CFAP65: variants seen among roughly 807,000 people sequenced by gnomAD.
CFAP65 encodes cilia- and flagella-associated protein 65.
A neutral mutation model predicts 208.0 loss-of-function variants in CFAP65; 155 were observed. The observed-to-expected ratio is 0.75, with a 90% CI of 0.65 to 0.85. The LOEUF is 0.85. CFAP65 is among the 40% of genes least tolerant of loss of function. The probability of loss-of-function intolerance (pLI) is 0.00; values close to 1 mark genes in which losing one functional copy is unlikely to be tolerated. For missense variants in CFAP65, 2,294 were observed against 2,451.3 expected (o/e 0.94, Z 1.36); for synonymous variants, 970 against 986.3 (o/e 0.98, Z 0.31).
chr2:219,017,319 A>G (rs936008845), intron 21 of CFAP65, among the ~76,000 whole-genome samples: 2 of 152,210 alleles, frequency 1.3e-5, no homozygotes, highest in Non-Finnish European at 2.9e-5. Flanking sequence ...CGCGAAGGGG[A>G]GAAGGCGTGG....
rs374766845 is a variant in CFAP65 at position 219,003,221 on chromosome 2, C to G, written c.5607G>C (p.Gln1869His). ...LQEALLENMIQNILVEASRGE... is the reference protein window; with the variant it reads ...LQEALLENMIHNILVEASRGE... The stretch of plus-strand genomic sequence containing the variant: ...CGCGGCTCGCCTCCACCAGGATGTT[C>G]TGGATCATGTTCTCCAGCAGCGCCT... Residue 1869 changes from glutamine to histidine, a missense_variant, in exon 34 of 35, where the codon CAG becomes CAC. Around this residue, in one of 2 missense-constraint regions of CFAP65, gnomAD observed 1,427 missense variants for 1,438.7 expected, o/e 0.99. Transcript: ENST00000341552. The surrounding 1 kb of genome is among the most constrained non-coding windows in gnomAD (Gnocchi z 4.4). 66 of 1,548,736 alleles carry G rather than the reference C, an allele frequency of 4.3e-5. No individual in the cohort carries two copies. The African/African-American group carries it at 8.2e-4, about 19-fold the overall frequency.
At chr2:219,023,111 G>C (rs532445646) in intron 16 of CFAP65, 96 bp downstream of exon 16, 1 of 1,009,954 alleles carries the variant, frequency 9.9e-7, no homozygotes, top group South Asian at 1.4e-5. Flanking sequence ...GGATGGAATT[G>C]GGGGCTGCAC....
chr2:219,023,365 A>G lies in CFAP65; in HGVS notation c.2662T>C (p.Phe888Leu), dbSNP rs749393314. Reference protein sequence around the residue: ...LKLDTHKSLYFKPTWVGCSST... With the variant: ...LKLDTHKSLYLKPTWVGCSST... ...GAGCAGCCCACCCAGGTGGGCTTGAAGTAGAGGCTTTTGTGGGTGTCCAGC... is the reference window on the plus strand; with the variant it reads ...GAGCAGCCCACCCAGGTGGGCTTGAGGTAGAGGCTTTTGTGGGTGTCCAGC... The change falls in exon 16 of 35, where the codon TTC becomes CTC. Residue 888 changes from phenylalanine to leucine, a missense_variant. Around this residue, in one of 2 missense-constraint regions of CFAP65, gnomAD observed 1,427 missense variants for 1,438.7 expected, o/e 0.99. Transcript: ENST00000341552. 6 of 1,607,324 alleles carry G rather than the reference A, an allele frequency of 3.7e-6. No homozygotes were observed. The highest frequency in any genetic ancestry group is 5.1e-6 in the Non-Finnish European group (6 of 1,177,354).
At chr2:219,035,071 G>A (rs146047486) in intron 5 of CFAP65, 6 of 369,106 alleles carry the variant, frequency 1.6e-5, no homozygotes, top group African/African-American at 8.7e-5. Flanking sequence ...GTTCCATCCC[G>A]CAAGGTCACC....
Position 219,031,704 on chromosome 2 carries a change from C to A in CFAP65, c.646-46G>T, listed in dbSNP as rs762876784. The A allele has an allele frequency of 1.0e-5, 16 of 1,556,836 alleles. No individual in the cohort carries two copies. The Admixed American group carries it at 2.9e-4, about 28-fold the overall frequency. On this transcript the variant is annotated intron_variant, in intron 6 of 34. Transcript: ENST00000341552. The surrounding 1 kb of genome is among the most constrained non-coding windows in gnomAD (Gnocchi z 5.2). The stretch of plus-strand genomic sequence containing the variant: ...GGGGCAGTCACCCATCAGTGGCATT[C>A]AGGGACTGCACATCCCGCCCACCCT...
chr2:219,011,158 C>T (rs1946449295), intron 24 of CFAP65, among the ~76,000 whole-genome samples, 162 bp from the exon 25 acceptor site: 1 of 151,906 alleles, frequency 6.6e-6, no homozygotes, highest in South Asian at 2.1e-4. Flanking sequence ...AAGTATGTAA[C>T]TGTATGGTCA....
intron 22 of CFAP65, 45 bp downstream of exon 22, chr2:219,013,823 G>A (rs1421237132): frequency 6.6e-7 from 1 of 1,512,500 alleles, no homozygotes. Flanking sequence ...CGGGGTAGGG[G>A]CCTCTATGAC....
At chr2:219,012,442 G>A (rs1946550977) in intron 24 of CFAP65, among the ~76,000 whole-genome samples, 1 of 152,244 alleles carries the variant, frequency 6.6e-6, no homozygotes, top group African/African-American at 2.4e-5. Flanking sequence ...TAGCGGGTGG[G>A]TATGGAAGTG....
Position 219,021,793 on chromosome 2 carries a change from G to GTCA in CFAP65, c.3114_3116dup (p.Asp1039dup), listed in dbSNP as rs776564199. ...AGGCCCAAGTACCGAGGGGGTGGTT[G>GTCA]TCAACGGCCTCAGGGCTGCCCTGCT... On this transcript the variant is annotated inframe_insertion, in exon 18 of 35. Transcript: ENST00000341552. 1.2e-6 allele frequency: 2 copies of GTCA among 1,613,468 alleles called. No individual in the cohort carries two copies. Among genetic ancestry groups the GTCA allele is most frequent in the Admixed American group, 3.3e-5 (2 of 59,996 alleles).
intron 21 of CFAP65, among the ~76,000 whole-genome samples, chr2:219,017,222 T>C (rs1414033289): frequency 6.6e-6 from 1 of 152,184 alleles, no homozygotes; most frequent in Admixed American, 6.5e-5. Context: ...AATGAACAAA[T>C]GATGTTAACC....
At position 219,027,620 on chromosome 2, in the gene CFAP65, G is replaced by C. The variant is rs61748274; in HGVS notation, c.2211+30C>G. The stretch of plus-strand genomic sequence containing the variant: ...CACTCAGGCTCCTAGCAGAGACCCC[G>C]CATTCCTCCCTCTCATTGCGTGCAC... On this transcript the variant is annotated intron_variant, in intron 13 of 34. Coordinates refer to ENST00000341552, the MANE Select transcript of CFAP65 (RefSeq NM_194302.4). 10 of 1,613,240 alleles carry C rather than the reference G, an allele frequency of 6.2e-6. No individual in the cohort carries two copies. In the Admixed American group the frequency reaches 1.3e-4, roughly 22 times the overall value.
chr2:219,024,704 A>C (rs1947519187), intron 14 of CFAP65, among the ~76,000 whole-genome samples: 1 of 152,174 alleles, frequency 6.6e-6, no homozygotes, highest in East Asian at 1.9e-4. Context: ...CGGGAGGCTG[A>C]GGCAGGTGGA....
At chr2:219,041,138 T>C (rs1273686244) in intron 1 of CFAP65, among the ~76,000 whole-genome samples, 1 of 152,172 alleles carries the variant, frequency 6.6e-6, no homozygotes, top group Admixed American at 6.5e-5. Context: ...TCGAGGACTT[T>C]AAAAAATATA....
chr2:219,041,155 G>A (rs1010512176), intron 1 of CFAP65, among the ~76,000 whole-genome samples: 1 of 152,158 alleles, frequency 6.6e-6, no homozygotes, highest in African/African-American at 2.4e-5. Flanking sequence ...TATATATCAT[G>A]AGCTTCCTTT....
chr2:219,029,805 T>C, intron 10 of CFAP65, 137 bp from the exon 11 acceptor site: 1 of 1,193,240 alleles, frequency 8.4e-7, no homozygotes, highest in Non-Finnish European at 1.2e-6. Context: ...CATCACTGGA[T>C]GCCAGTGGGA....
chr2:219,040,458 CACTT>C, intron 2 of CFAP65, 57 bp downstream of exon 2: 1 of 894,070 alleles, frequency 1.1e-6, no homozygotes, highest in South Asian at 1.4e-5. Flanking sequence ...ATTCACAAAG[CACTT>C]ACTATTATGT....
rs759974031 is a variant in CFAP65, at chr2:219,019,592, G to A, written c.3387C>T (p.Arg1129=). 2 of 1,613,824 alleles carry A rather than the reference G, an allele frequency of 1.2e-6. No homozygotes were observed. The highest frequency in any genetic ancestry group is 2.2e-5 in the South Asian group (2 of 91,082). Residue 1129 remains arginine (R), a synonymous_variant, in exon 20 of 35, where the codon CGC becomes CGT. Coordinates refer to ENST00000341552, the MANE Select transcript of CFAP65 (RefSeq NM_194302.4). ...TGTTAAGCAGGTCCAGAGAGAAGAG[G>A]CGCCACAGGTGCTTCCGGGTGATAC... ...AEGITRKHLW[R]LFSLDLLNSY... is the part of the protein sequence containing the mutation.
intron 1 of CFAP65, 98 bp from the exon 2 acceptor site, chr2:219,040,662 C>T: frequency 6.5e-7 from 1 of 1,533,338 alleles, no homozygotes; most frequent in Non-Finnish European, 8.8e-7. Flanking sequence ...GGGGACTGTA[C>T]AGACAGCTCC....
chr2:219,020,047 GT>G (rs59981724), intron 19 of CFAP65, among the ~76,000 whole-genome samples: 804 of 145,062 alleles, frequency 5.5e-3, no homozygotes, highest in South Asian at 0.017. Context: ...ATACAATTCA[GT>G]TTTTTTTTTT....
Sources: allele counts gnomAD v4.1 joint callset (sites outside exome capture counted in the v4.1 genomes callset), GRCh38; gene constraint gnomAD v4.1.1; regional missense constraint gnomAD v4.1.1; non-coding constraint Gnocchi (gnomAD v3.1); transcripts MANE v1.5; gene names NCBI Gene and HGNC (gene_info 2026-07-23, HGNC 2026-07-21).